The following SATB1 variants were observed in gnomAD, a reference collection of about 807,000 sequenced individuals.
The protein encoded by SATB1 is SATB homeobox 1.
Under a neutral mutation model 86.9 loss-of-function variants are expected in SATB1, and 11 were observed. That is an observed-to-expected ratio of 0.13 (90% CI 0.08 to 0.21). The LOEUF (loss-of-function observed/expected upper bound fraction) is 0.21. SATB1 is among the 10% of genes least tolerant of loss of function. SATB1 has a pLI of 1.00. For synonymous variants in SATB1, 357 were observed against 357.2 expected (o/e 1.00, Z 0.01); for missense variants, 551 against 937.6 (o/e 0.59, Z 5.39).
chr3:18,415,328 CAAACA>C, intron 4 of SATB1, 94 bp from the exon 5 acceptor site: 1 of 1,405,362 alleles, frequency 7.1e-7, no homozygotes, highest in Non-Finnish European at 9.9e-7. Context: ...TTTTGCGCAT[CAAACA>C]GATGCATCTG....
At chr3:18,385,761 T>C (rs1696312104) in intron 8 of SATB1, among the ~76,000 whole-genome samples, 1 of 152,200 alleles carries the variant, frequency 6.6e-6, no homozygotes, top group Non-Finnish European at 1.5e-5. Flanking sequence ...TTTTAAAACT[T>C]AGTTTAAAAA....
chr3:18,394,486 T>G lies in SATB1; in HGVS notation c.1182A>C (p.Ala394=). The G allele has an allele frequency of 1.9e-6, 3 of 1,614,184 alleles. No homozygotes were observed. The highest frequency in any genetic ancestry group is 2.5e-6 in the Non-Finnish European group (3 of 1,180,028). ...KRAGISQAVF[A]RVAFNRTQGL... ...CCTGAGTTCTGTTAAAAGCCACACG[T>G]GCAAATACCGCCTGGGAGATTCCTG... Residue 394 remains alanine (A), a synonymous_variant, in exon 7 of 11, where the codon GCA becomes GCC. Coordinates refer to ENST00000338745, the MANE Select transcript of SATB1 (RefSeq NM_002971.6). The surrounding 1 kb of genome is among the most constrained non-coding windows in gnomAD (Gnocchi z 5.9).
intron 2 of SATB1, among the ~76,000 whole-genome samples, chr3:18,434,026 T>C (rs1334922157): frequency 6.6e-6 from 1 of 152,092 alleles, no homozygotes; most frequent in African/African-American, 2.4e-5. Flanking sequence ...AATAGCACAT[T>C]TATGAAAAAT....
intron 5 of SATB1, among the ~76,000 whole-genome samples, chr3:18,405,699 A>C (rs940488030): frequency 2.0e-5 from 3 of 151,956 alleles, no homozygotes; most frequent in Non-Finnish European, 4.4e-5. Flanking sequence ...TCCTCCATGC[A>C]TTCCCAAAAT....
chr3:18,382,675 C>T (rs931878211), intron 8 of SATB1, among the ~76,000 whole-genome samples: 1 of 152,140 alleles, frequency 6.6e-6, no homozygotes, highest in Admixed American at 6.5e-5. Context: ...CCCCACAATC[C>T]CAGAAATGCC....
intron 2 of SATB1, among the ~76,000 whole-genome samples, chr3:18,435,902 A>G (rs968742988): frequency 6.6e-6 from 1 of 152,212 alleles, no homozygotes; most frequent in Non-Finnish European, 1.5e-5. Flanking sequence ...TGATAATGTA[A>G]TAGGTCACAC....
chr3:18,380,293 G>C (rs1288798720), intron 8 of SATB1, among the ~76,000 whole-genome samples: 1 of 152,150 alleles, frequency 6.6e-6, no homozygotes, highest in Admixed American at 6.5e-5. Context: ...TAAAAGAACA[G>C]ACTTTGGAAA....
At chr3:18,422,618 AAG>A (rs1225339351) in intron 1 of SATB1, among the ~76,000 whole-genome samples, 2 of 152,220 alleles carry the variant, frequency 1.3e-5, no homozygotes, top group Non-Finnish European at 2.9e-5. Context: ...CAAAATTAGA[AAG>A]AGATGATTAT....
intron 5 of SATB1, chr3:18,409,281 G>C (rs1346883945): frequency 6.6e-6 from 1 of 152,002 alleles, no homozygotes; most frequent in Non-Finnish European, 1.5e-5. Flanking sequence ...GTTACAGAGA[G>C]CTAACATCAA....
chr3:18,383,959 C>T (rs1180460321), intron 8 of SATB1, among the ~76,000 whole-genome samples: 1 of 152,098 alleles, frequency 6.6e-6, no homozygotes, highest in Non-Finnish European at 1.5e-5. Flanking sequence ...AATAAAATTA[C>T]ACACACATAC....
intron 9 of SATB1, among the ~76,000 whole-genome samples, chr3:18,361,538 T>C (rs910233363): frequency 1.3e-5 from 2 of 152,138 alleles, no homozygotes; most frequent in African/African-American, 4.8e-5. Flanking sequence ...ACTCAGTTAA[T>C]AGTATTACCA....
At chr3:18,415,801 T>TTG (rs1553624891) in intron 4 of SATB1, among the ~76,000 whole-genome samples, 4 of 151,828 alleles carry the variant, frequency 2.6e-5, no homozygotes, top group African/African-American at 9.7e-5. Context: ...TACACATTTT[T>TTG]TGTGTGTGTG....
chr3:18,379,614 T>C (rs1695941124), intron 8 of SATB1, among the ~76,000 whole-genome samples: 13 of 152,212 alleles, frequency 8.5e-5, no homozygotes, highest in Admixed American at 8.5e-4. Context: ...GTTCCTAAAA[T>C]ATTCAGTGAT....
chr3:18,425,862 A>C (rs1407460787), upstream of SATB1, among the ~76,000 whole-genome samples: 3 of 123,732 alleles, frequency 2.4e-5, no homozygotes, highest in Non-Finnish European at 5.3e-5. Flanking sequence ...GGGCGGGGGG[A>C]AGGAAAATGA....
chr3:18,421,442 T>C (rs1044238261), intron 1 of SATB1: 2 of 158,828 alleles, frequency 1.3e-5, no homozygotes, highest in African/African-American at 4.8e-5. Context: ...GTATATGTTT[T>C]ATATGTATAC....
In SATB1 at chr3:18,394,395, T is replaced by C. The variant is rs1696847565; in HGVS notation, c.1206+67A>G. 1 of 1,307,864 alleles carries C rather than the reference T, an allele frequency of 7.6e-7. No homozygotes were observed. Among genetic ancestry groups the C allele is most frequent in the Admixed American group, 1.8e-5 (1 of 56,354 alleles). The allele number at this position is 1,307,864 out of a possible 1,614,324, so 81.0% of individuals were successfully genotyped here. ...ACAGAAGTAAAAGAATAAACTTTAG[T>C]TATAGATGGGACTAAAGAAAGAGAA... On this transcript the variant is annotated intron_variant, in intron 7 of 10. Coordinates refer to ENST00000338745, the MANE Select transcript of SATB1 (RefSeq NM_002971.6). This position sits in a 1 kb window ranked among gnomAD's most constrained non-coding sequence, Gnocchi z 5.9.
intron 5 of SATB1, among the ~76,000 whole-genome samples, chr3:18,413,394 T>C (rs1413530711): frequency 6.6e-6 from 1 of 152,148 alleles, no homozygotes; most frequent in African/African-American, 2.4e-5. Context: ...TTTGTCTGAA[T>C]ATACTTCCAA....
chr3:18,385,310 A>G (rs1696278036), intron 8 of SATB1, among the ~76,000 whole-genome samples: 1 of 152,192 alleles, frequency 6.6e-6, no homozygotes, highest in Non-Finnish European at 1.5e-5. Flanking sequence ...TGTAAATGTC[A>G]CAAGTTAAAC....
intron 5 of SATB1, among the ~76,000 whole-genome samples, chr3:18,409,973 T>G (rs1328541): frequency 7.2e-5 from 11 of 152,082 alleles, no homozygotes; most frequent in African/African-American, 2.4e-4. Context: ...CAAAGGGCTA[T>G]TAGCATAATT....
Sources: allele counts gnomAD v4.1 joint callset (sites outside exome capture counted in the v4.1 genomes callset), GRCh38; gene constraint gnomAD v4.1.1; non-coding constraint Gnocchi (gnomAD v3.1); transcripts MANE v1.5; gene names NCBI Gene and HGNC (gene_info 2026-07-23, HGNC 2026-07-21).